EPHA2: variants seen among roughly 807,000 people sequenced by gnomAD.
EPHA2 encodes the protein ephrin type-A receptor 2.
Under a neutral mutation model 104.9 loss-of-function variants are expected in EPHA2, and 54 were observed. That is an observed-to-expected ratio of 0.51 (90% CI 0.41 to 0.65). EPHA2 has a LOEUF of 0.65. Ranked by LOEUF, EPHA2 falls within the 30% of genes least tolerant of loss-of-function variation. The probability of loss-of-function intolerance (pLI) is 0.00; values close to 1 mark genes in which losing one functional copy is unlikely to be tolerated. For synonymous variants in EPHA2, 560 were observed against 559.1 expected (o/e 1.00, Z -0.02); for missense variants, 1,117 against 1,369.5 (o/e 0.82, Z 2.91).
intron 15 of EPHA2, 120 bp from the exon 16 acceptor site, chr1:16,129,709 T>G (rs2124193859): frequency 7.5e-7 from 1 of 1,341,362 alleles, no homozygotes; most frequent in East Asian, 2.5e-5. Flanking sequence ...TCTCCTTATC[T>G]GGGCAACAGG....
At chr1:16,147,163 C>T (rs1010123008) in intron 3 of EPHA2, among the ~76,000 whole-genome samples, 26 of 152,374 alleles carry the variant, frequency 1.7e-4, no homozygotes, top group African/African-American at 6.0e-4. Context: ...GCCACGGCTT[C>T]CTCCATGTGA....
At chr1:16,151,861 C>A (rs1231640471) in intron 1 of EPHA2, among the ~76,000 whole-genome samples, 1 of 152,190 alleles carries the variant, frequency 6.6e-6, no homozygotes, top group Non-Finnish European at 1.5e-5. Context: ...GCAACTGGAG[C>A]CTGGCGGAGG....
rs1457129769 is a variant in EPHA2 at position 16,125,235 on chromosome 1, T to C, written c.2911A>G (p.Thr971Ala). The C allele has an allele frequency of 1.2e-6, 2 of 1,613,836 alleles. No homozygotes were observed. Among genetic ancestry groups the C allele is most frequent in the African/African-American group, 1.3e-5 (1 of 74,924 alleles). ...SLLGLKDQVN[T>A]VGIPI ...GAGGCTCAGATGGGGATCCCCACAG[T>C]GTTCACCTGGTCCTTGAGTCCCAGC... is the stretch of plus-strand genomic sequence containing the variant. The change falls in exon 17 of 17, where the codon ACT (threonine) becomes GCT (alanine). Residue 971 changes from threonine to alanine, a missense_variant. By Grantham distance (58) the Thr-to-Ala change is moderately conservative (BLOSUM62 0). This residue lies in a region of EPHA2 where 340 missense variants were observed against 480.5 expected (regional missense o/e 0.71). Transcript: ENST00000358432. This position sits in a 1 kb window ranked among gnomAD's most constrained non-coding sequence, Gnocchi z 4.9.
In EPHA2 at chr1:16,151,047, G is replaced by A. The variant is rs902645354; in HGVS notation, c.86-84C>T. ...GCAGGAAAGGTGAGGATCCCTCCAG[G>A]AACCCCAACTCTCAGACAGAGCGAG... On this transcript the variant is annotated intron_variant, in intron 1 of 16. Coordinates refer to ENST00000358432, the MANE Select transcript of EPHA2 (RefSeq NM_004431.5). 17 of 1,382,166 alleles carry A rather than the reference G, an allele frequency of 1.2e-5. No individual in the cohort carries two copies. In the African/African-American group the frequency reaches 2.4e-4, roughly 20 times the overall value. The allele number at this position is 1,382,166 out of a possible 1,614,324, so 85.6% of individuals were successfully genotyped here. A position where few individuals can be genotyped will look rare whatever the true frequency, so the allele number is the denominator to read the frequency against.
At chr1:16,142,197 C>G (rs1268924709) in intron 3 of EPHA2, among the ~76,000 whole-genome samples, 1 of 152,220 alleles carries the variant, frequency 6.6e-6, no homozygotes, top group Non-Finnish European at 1.5e-5. Context: ...CCTGGCCCCC[C>G]GGCCCCCATT....
In EPHA2 at chr1:16,128,879, G is replaced by C. The variant is rs141136152; in HGVS notation, c.2825+555C>G. On this transcript the variant is annotated intron_variant, in intron 16 of 16. Transcript: ENST00000358432. This position sits in a 1 kb window ranked among gnomAD's most constrained non-coding sequence, Gnocchi z 4.7. Reference sequence around the variant, plus strand: ...GGTTCTCTCTCCTGGGCAGCAGTCAGGGCATCTTGGAGAAGACTGCCCCAA... The same window carrying C: ...GGTTCTCTCTCCTGGGCAGCAGTCACGGCATCTTGGAGAAGACTGCCCCAA... Among the ~76,000 whole-genome samples, 571 of 152,202 alleles carry C rather than the reference G, an allele frequency of 3.8e-3. 5 individuals carry two copies. The highest frequency in any genetic ancestry group is 0.013 in the African/African-American group (537 of 41,540).
chr1:16,140,848 G>T (rs940456200), intron 3 of EPHA2, among the ~76,000 whole-genome samples: 6 of 151,902 alleles, frequency 3.9e-5, no homozygotes, highest in Admixed American at 3.3e-4. Context: ...TGATCCACCC[G>T]TCTCGGCCTC....
intron 3 of EPHA2, among the ~76,000 whole-genome samples, chr1:16,139,271 T>A (rs568640684): frequency 6.6e-6 from 1 of 152,266 alleles, no homozygotes; most frequent in Admixed American, 6.5e-5. Context: ...GACACAGGGC[T>A]CACGGTGCAG....
chr1:16,146,985 G>A (rs1163494630), intron 3 of EPHA2, among the ~76,000 whole-genome samples: 3 of 152,192 alleles, frequency 2.0e-5, no homozygotes, highest in Non-Finnish European at 2.9e-5. Context: ...TTAACGTCCC[G>A]CTTATCTCAG....
At chr1:16,126,197 G>A (rs1402812231) in intron 16 of EPHA2, among the ~76,000 whole-genome samples, 1 of 152,046 alleles carries the variant, frequency 6.6e-6, no homozygotes, top group East Asian at 1.9e-4. Context: ...CGCTCTCCTG[G>A]GGCCCCCTTC....
At chr1:16,145,940 C>G (rs553473160) in intron 3 of EPHA2, among the ~76,000 whole-genome samples, 3 of 152,336 alleles carry the variant, frequency 2.0e-5, no homozygotes, top group African/African-American at 7.2e-5. Context: ...GTCCCTGCCA[C>G]GCAGAAAGGC....
chr1:16,149,163 T>C, intron 2 of EPHA2, 116 bp from the exon 3 acceptor site: 1 of 1,132,474 alleles, frequency 8.8e-7, no homozygotes, highest in Non-Finnish European at 1.3e-6. Flanking sequence ...GGTTCTACGG[T>C]GAAGGAAACT....
In EPHA2 at chr1:16,124,518, G is replaced by C. The variant is rs1297086125; in HGVS notation, c.*697C>G. 6.6e-6 allele frequency: 1 copy of C among 152,582 alleles called. No individual in the cohort carries two copies. The highest frequency in any genetic ancestry group is 2.4e-5 in the African/African-American group (1 of 41,442). 9.5% of individuals were successfully genotyped at this position (152,582 alleles called of 1,614,324 possible). ...GATGGGGCCGACTGGGGCATGGGCAGGACACTCCTGCAGCACCGGTCCCTG... is the reference window on the plus strand; with the variant it reads ...GATGGGGCCGACTGGGGCATGGGCACGACACTCCTGCAGCACCGGTCCCTG... On this transcript the variant is annotated 3_prime_UTR_variant, in exon 17 of 17. Coordinates refer to ENST00000358432, the MANE Select transcript of EPHA2 (RefSeq NM_004431.5).
intron 3 of EPHA2, among the ~76,000 whole-genome samples, chr1:16,142,266 C>A (rs993408859): frequency 3.3e-5 from 5 of 152,260 alleles, no homozygotes; most frequent in African/African-American, 1.2e-4. Flanking sequence ...ACGTGTCTGG[C>A]ACAATGCTGG....
In EPHA2 at chr1:16,125,194, G is replaced by A; in HGVS notation, c.*21C>T. ...TTCTTCAAGTATTCTTGGCCGATGG[G>A]GCTCCAGGCCCTGTCGAGGCTCAGA... On this transcript the variant is annotated 3_prime_UTR_variant, in exon 17 of 17. Transcript: ENST00000358432. The surrounding 1 kb of genome is among the most constrained non-coding windows in gnomAD (Gnocchi z 4.9). The A allele has an allele frequency of 6.2e-7, 1 of 1,609,424 alleles. No homozygotes were observed. The highest frequency in any genetic ancestry group is 8.5e-7 in the Non-Finnish European group (1 of 1,176,516).
intron 1 of EPHA2, among the ~76,000 whole-genome samples, chr1:16,154,788 A>C: frequency 6.6e-6 from 1 of 150,418 alleles, no homozygotes. Context: ...AAAGAAGGAA[A>C]CTTCTCACCG....
intron 16 of EPHA2, among the ~76,000 whole-genome samples, chr1:16,129,023 C>T (rs1256731976): frequency 6.6e-6 from 1 of 151,810 alleles, no homozygotes; most frequent in African/African-American, 2.4e-5. Context: ...TGCTCTCCCC[C>T]TCATGGCTGT....
chr1:16,155,763 C>A, intron 1 of EPHA2, 85 bp downstream of exon 1: 1 of 1,129,358 alleles, frequency 8.9e-7, no homozygotes, highest in Non-Finnish European at 1.2e-6. Flanking sequence ...CAGGTAGGTT[C>A]CAAAGTTGCG....
At position 16,130,914 on chromosome 1, in the gene EPHA2, G is replaced by A. The variant is rs777994570; in HGVS notation, c.2476-495C>T. 3.3e-5 allele frequency among the ~76,000 whole-genome samples: 5 copies of A among 152,094 alleles called. No homozygotes were observed. Among genetic ancestry groups the A allele is most frequent in the African/African-American group, 4.8e-5 (2 of 41,412 alleles). On this transcript the variant is annotated intron_variant, in intron 14 of 16. Coordinates refer to ENST00000358432, the MANE Select transcript of EPHA2 (RefSeq NM_004431.5). This position sits in a 1 kb window ranked among gnomAD's most constrained non-coding sequence, Gnocchi z 4.5. ...CAAAGTGCTAGGATTACAGGCATGC[G>A]CCATTGCTCCCAGCTAGAAGGGACC...
Sources: gnomAD v4.1 joint callset for allele counts (sites outside exome capture counted in the v4.1 genomes callset) on GRCh38, gnomAD v4.1.1 for gene constraint, gnomAD v4.1.1 regional missense constraint, Gnocchi (gnomAD v3.1) non-coding constraint, MANE v1.5 for transcripts, NCBI Gene and HGNC (gene_info 2026-07-23, HGNC 2026-07-21) for gene names.